BRAF: variants seen among roughly 807,000 people sequenced by gnomAD.
BRAF encodes serine/threonine-protein kinase B-raf.
BRAF carries 16 observed loss-of-function variants against 104.6 expected under a neutral mutation model. The ratio of observed to expected loss-of-function variants is 0.15; its 90% CI spans 0.10 to 0.23. The LOEUF is 0.23. Ranked by LOEUF, BRAF falls within the 10% of genes least tolerant of loss-of-function variation. The probability of loss-of-function intolerance (pLI) is 1.00; values close to 1 mark genes in which losing one functional copy is unlikely to be tolerated. For synonymous variants in BRAF, 310 were observed against 341.6 expected (o/e 0.91, Z 1.02); for missense variants, 541 against 937.3 (o/e 0.58, Z 5.52).
intron 14 of BRAF, among the ~76,000 whole-genome samples, chr7:140,756,840 T>A (rs901720725): frequency 6.6e-6 from 1 of 152,232 alleles, no homozygotes; most frequent in African/African-American, 2.4e-5. Flanking sequence ...TGTCCACCTA[T>A]AGAACCATTT....
intron 2 of BRAF, among the ~76,000 whole-genome samples, chr7:140,838,987 T>G (rs1044785963): frequency 6.6e-6 from 1 of 152,134 alleles, no homozygotes; most frequent in Non-Finnish European, 1.5e-5. Context: ...AATAATATAG[T>G]ATGTGAATTA....
chr7:140,854,937 C>A (rs2129077739), intron 1 of BRAF, among the ~76,000 whole-genome samples: 1 of 152,058 alleles, frequency 6.6e-6, no homozygotes, highest in East Asian at 1.9e-4. Context: ...AAGAGCAAGA[C>A]TTCGTCTCAA....
chr7:140,791,502 GTTTAT>G (rs1454170123), intron 8 of BRAF, among the ~76,000 whole-genome samples: 2 of 147,588 alleles, frequency 1.4e-5, no homozygotes, highest in African/African-American at 4.9e-5. Context: ...CAATGTTAAT[GTTTAT>G]CAGGGTTACA....
chr7:140,879,912 A>G (rs2129102406), intron 1 of BRAF, among the ~76,000 whole-genome samples: 1 of 152,006 alleles, frequency 6.6e-6, no homozygotes, highest in Admixed American at 6.5e-5. Context: ...TTGTATTTTT[A>G]GTAGAGATGG....
chr7:140,733,884 T>C (rs1443891483), intron 19 of BRAF: 1 of 637,760 alleles, frequency 1.6e-6, no homozygotes. Flanking sequence ...TTAATGTATT[T>C]TAAAAAAAGC....
intron 8 of BRAF, 72 bp downstream of exon 8, chr7:140,794,236 G>GTT: frequency 3.7e-5 from 57 of 1,556,724 alleles, no homozygotes; most frequent in Non-Finnish European, 5.0e-5. Context: ...TCTGATCTAA[G>GTT]TTATAATTAT....
chr7:140,764,653 AACAG>A (rs1367568495), intron 14 of BRAF, among the ~76,000 whole-genome samples: 1 of 152,214 alleles, frequency 6.6e-6, no homozygotes, highest in African/African-American at 2.4e-5. Flanking sequence ...ATACACCAAT[AACAG>A]ACAAACAGAG....
intron 17 of BRAF, among the ~76,000 whole-genome samples, chr7:140,742,960 A>T (rs867597053): frequency 6.6e-6 from 1 of 152,156 alleles, no homozygotes; most frequent in Non-Finnish European, 1.5e-5. Context: ...CAGCCAAAAA[A>T]CACATGAAAA....
intron 1 of BRAF, among the ~76,000 whole-genome samples, chr7:140,885,714 G>C (rs1458076557): frequency 1.3e-5 from 2 of 152,148 alleles, no homozygotes; most frequent in Non-Finnish European, 2.9e-5. Context: ...GACATCTGTT[G>C]AATAATATAC....
In BRAF at chr7:140,720,549, C is replaced by A. The variant is rs997794970; in HGVS notation, c.*5945G>T. Reference sequence around the variant, plus strand: ...TAGGAAGGAATGATTCTTAAAAAAACCGTTCACAGCTTAGAATAAAAAGCA... The same window carrying A: ...TAGGAAGGAATGATTCTTAAAAAAAACGTTCACAGCTTAGAATAAAAAGCA... On this transcript the variant is annotated 3_prime_UTR_variant, in exon 20 of 20. Transcript: ENST00000644969. 4.7e-6 allele frequency: 5 copies of A among 1,065,000 alleles called. No homozygotes were observed. Among genetic ancestry groups the A allele is most frequent in the Non-Finnish European group, 4.5e-6 (4 of 879,294 alleles). 66.0% of individuals were successfully genotyped at this position (1,065,000 alleles called of 1,614,324 possible).
chr7:140,923,659 G>A (rs914289753), intron 1 of BRAF, among the ~76,000 whole-genome samples: 2 of 152,208 alleles, frequency 1.3e-5, no homozygotes, highest in East Asian at 3.8e-4. Flanking sequence ...GAAACCTGAT[G>A]GAATCTTGAC....
chr7:140,758,710 C>A (rs1215445868), intron 14 of BRAF, among the ~76,000 whole-genome samples: 1 of 152,246 alleles, frequency 6.6e-6, no homozygotes, highest in East Asian at 1.9e-4. Flanking sequence ...CCACCTCGGC[C>A]TCCCGAAGTG....
chr7:140,921,246 C>T (rs1442663820), intron 1 of BRAF, among the ~76,000 whole-genome samples: 3 of 152,210 alleles, frequency 2.0e-5, no homozygotes, highest in Non-Finnish European at 4.4e-5. Flanking sequence ...TACACTATTT[C>T]ATACCATATG....
intron 16 of BRAF, among the ~76,000 whole-genome samples, chr7:140,752,029 G>A (rs1797833961): frequency 1.3e-5 from 2 of 152,024 alleles, no homozygotes; most frequent in South Asian, 4.2e-4. Context: ...CTTTTGTTTA[G>A]GTAGATTATA....
At chr7:140,745,134 GT>G (rs1432178807) in intron 17 of BRAF, among the ~76,000 whole-genome samples, 3 of 151,928 alleles carry the variant, frequency 2.0e-5, no homozygotes, top group Non-Finnish European at 4.4e-5. Context: ...AATCGGTATG[GT>G]TTTTAGATTT....
chr7:140,862,395 T>A (rs1447537846), intron 1 of BRAF, among the ~76,000 whole-genome samples: 1 of 152,060 alleles, frequency 6.6e-6, no homozygotes, highest in Non-Finnish European at 1.5e-5. Flanking sequence ...ATAAAGAATA[T>A]GTTTGGGAAG....
intron 19 of BRAF, chr7:140,734,248 T>C: frequency 8.3e-7 from 1 of 1,210,456 alleles, no homozygotes; most frequent in South Asian, 2.2e-5. Flanking sequence ...CTGGAGTCCC[T>C]AGTGGACATG....
intron 18 of BRAF, among the ~76,000 whole-genome samples, chr7:140,736,599 G>T (rs948239002): frequency 7.3e-5 from 11 of 151,512 alleles, no homozygotes; most frequent in African/African-American, 2.7e-4. Context: ...GGCTAATTTT[G>T]TATTCTTAGT....
At chr7:140,837,477 T>C (rs1368383939) in intron 2 of BRAF, among the ~76,000 whole-genome samples, 1 of 152,224 alleles carries the variant, frequency 6.6e-6, no homozygotes, top group Non-Finnish European at 1.5e-5. Flanking sequence ...ACTACAACAA[T>C]GCCATTGGTG....
Sources: gnomAD v4.1 joint callset for allele counts (sites outside exome capture counted in the v4.1 genomes callset) on GRCh38, gnomAD v4.1.1 for gene constraint, MANE v1.5 for transcripts, NCBI Gene and HGNC (gene_info 2026-07-23, HGNC 2026-07-21) for gene names.